PPFIBP2: variants seen among roughly 807,000 people sequenced by gnomAD.
PPFIBP2 encodes liprin-beta-2.
PPFIBP2 carries 118 observed loss-of-function variants against 118.3 expected under a neutral mutation model. That is an observed-to-expected ratio of 1.00 (90% confidence interval 0.86 to 1.16). The LOEUF is 1.16. PPFIBP2 is among the 50% of genes most tolerant of loss of function. The pLI, the probability that PPFIBP2 is intolerant of heterozygous loss-of-function variation, is 0.00. For synonymous variants in PPFIBP2, 414 were observed against 397.4 expected (o/e 1.04, Z -0.50); for missense variants, 1,195 against 1,073.1 (o/e 1.11, Z -1.59).
the PPFIBP2 span, among the ~76,000 whole-genome samples, chr11:7,663,692 G>A: frequency 2.0e-5 from 3 of 152,150 alleles, no homozygotes; most frequent in Non-Finnish European, 2.9e-5. Context: ...CGAGCTTCCC[G>A]GCTGCTTTGT....
chr11:7,609,335 T>A (rs1452213344), intron 5 of PPFIBP2, among the ~76,000 whole-genome samples: 1 of 152,214 alleles, frequency 6.6e-6, no homozygotes, highest in African/African-American at 2.4e-5. Flanking sequence ...ATTGCTTTCC[T>A]GGTTGCTGTG....
chr11:7,525,812 C>G (rs1376354384), intron 1 of PPFIBP2, among the ~76,000 whole-genome samples: 1 of 152,158 alleles, frequency 6.6e-6, no homozygotes, highest in African/African-American at 2.4e-5. Flanking sequence ...GGATCTTTTC[C>G]CTGCATTGGC....
intron 1 of PPFIBP2, among the ~76,000 whole-genome samples, chr11:7,549,122 G>A (rs1309744283): frequency 1.3e-5 from 2 of 152,180 alleles, no homozygotes; most frequent in African/African-American, 2.4e-5. Context: ...CAGTGGGGTC[G>A]GAGCTTCTGG....
intron 8 of PPFIBP2, among the ~76,000 whole-genome samples, chr11:7,627,025 C>T (rs1326059654): frequency 2.0e-5 from 3 of 152,232 alleles, no homozygotes; most frequent in Non-Finnish European, 4.4e-5. Context: ...TACTAAGACA[C>T]CCTGGACTAT....
downstream of PPFIBP2, among the ~76,000 whole-genome samples, chr11:7,654,660 C>T (rs149112424): frequency 6.6e-6 from 1 of 152,364 alleles, no homozygotes; most frequent in African/African-American, 2.4e-5. Flanking sequence ...ATGACAAGTG[C>T]TCATTCAGGC....
chr11:7,589,578 C>A (rs1858855979), intron 3 of PPFIBP2, among the ~76,000 whole-genome samples: 1 of 151,086 alleles, frequency 6.6e-6, no homozygotes, highest in Non-Finnish European at 1.5e-5. Flanking sequence ...GGTGACAGAA[C>A]AAGACTCTGT....
chr11:7,549,714 T>G (rs542108381), intron 2 of PPFIBP2, among the ~76,000 whole-genome samples, 175 bp downstream of exon 2: 2 of 152,042 alleles, frequency 1.3e-5, no homozygotes, highest in Non-Finnish European at 2.9e-5. Context: ...TACGAACTTA[T>G]ACAACTCTCT....
intron 2 of PPFIBP2, among the ~76,000 whole-genome samples, chr11:7,557,983 A>G (rs558808003): frequency 1.9e-4 from 29 of 152,322 alleles, no homozygotes; most frequent in African/African-American, 7.0e-4. Flanking sequence ...AAAGAACTCC[A>G]TTTACGTGGT....
chr11:7,665,128 C>A, the PPFIBP2 span: 12 of 373,926 alleles, frequency 3.2e-5, no homozygotes, highest in Non-Finnish European at 5.3e-5. Flanking sequence ...GTTTATTTCA[C>A]AAAACCACGG....
chr11:7,620,959 C>G lies in PPFIBP2; in HGVS notation c.643C>G (p.Leu215Val). 1.9e-6 allele frequency: 3 copies of G among 1,612,670 alleles called. No individual in the cohort carries two copies. Among genetic ancestry groups the G allele is most frequent in the Non-Finnish European group, 2.5e-6 (3 of 1,178,738 alleles). Reference protein sequence around the residue: ...AEELLQELRHLKIKVEELENE... With the variant: ...AEELLQELRHVKIKVEELENE... ...GGAGTTACTGCAAGAGCTCAGGCAC[C>G]TCAAAATCAAAGTGGAAGAGTTGGA... The change falls in exon 7 of 24, where the codon CTC becomes GTC. Residue 215 changes from leucine to valine, a missense_variant. By Grantham distance (32) the Leu-to-Val change is conservative. Coordinates refer to ENST00000299492, the MANE Select transcript of PPFIBP2 (RefSeq NM_003621.5).
intron 2 of PPFIBP2, among the ~76,000 whole-genome samples, chr11:7,556,467 A>C (rs912272710): frequency 1.3e-4 from 20 of 152,234 alleles, no homozygotes; most frequent in African/African-American, 4.6e-4. Context: ...AATAAATAAT[A>C]CTTGACTCTT....
At position 7,648,869 on chromosome 11, in the gene PPFIBP2, C is replaced by G; in HGVS notation, c.1867C>G (p.Gln623Glu). ...AGCAGTGAAAGCCATCAACACCAAA[C>G]AGGAGGAGAAGTCTGCACTGCTAGA... ...VLAVKAINTK[Q>E]EEKSALLDHI... The change falls in exon 19 of 24, where the codon CAG becomes GAG. Residue 623 changes from glutamine to glutamate, a missense_variant. Physicochemically the swap from Gln to Glu is conservative, Grantham distance 29. Transcript: ENST00000299492. 1 of 1,614,138 alleles carries G rather than the reference C, an allele frequency of 6.2e-7. No individual in the cohort carries two copies. Among genetic ancestry groups the G allele is most frequent in the Non-Finnish European group, 8.5e-7 (1 of 1,180,012 alleles).
At chr11:7,588,337 C>G (rs1451820782) in intron 3 of PPFIBP2, among the ~76,000 whole-genome samples, 1 of 152,228 alleles carries the variant, frequency 6.6e-6, no homozygotes, top group East Asian at 1.9e-4. Context: ...ACAGTTCTCT[C>G]TCTGTCCTCT....
chr11:7,519,890 C>T (rs1216472745), intron 1 of PPFIBP2, among the ~76,000 whole-genome samples: 2 of 152,274 alleles, frequency 1.3e-5, no homozygotes, highest in East Asian at 1.9e-4. Context: ...TCCCTGTTAA[C>T]CAGGTTCCCG....
intron 2 of PPFIBP2, among the ~76,000 whole-genome samples, chr11:7,558,037 T>C (rs1019717718): frequency 6.6e-6 from 1 of 152,252 alleles, no homozygotes; most frequent in African/African-American, 2.4e-5. Flanking sequence ...TATGTCTTAA[T>C]TGTACAAAAT....
chr11:7,649,323 A>G (rs539067727), intron 20 of PPFIBP2, 88 bp downstream of exon 20: 8 of 1,345,916 alleles, frequency 5.9e-6, no homozygotes, highest in East Asian at 2.3e-5. Context: ...ACTTGATTCC[A>G]TATATTCTTA....
At chr11:7,574,241 A>G (rs1856001038) in intron 3 of PPFIBP2, among the ~76,000 whole-genome samples, 1 of 152,176 alleles carries the variant, frequency 6.6e-6, no homozygotes, top group Non-Finnish European at 1.5e-5. Flanking sequence ...ACTTCCAGGA[A>G]GGCCTTCGGG....
chr11:7,601,313 G>T (rs1348496140), intron 5 of PPFIBP2, among the ~76,000 whole-genome samples: 2 of 152,292 alleles, frequency 1.3e-5, no homozygotes, highest in African/African-American at 4.8e-5. Flanking sequence ...CCTCTCTTGG[G>T]GTTAGACAGG....
At chr11:7,577,523 A>G in intron 3 of PPFIBP2, 1 of 456,084 alleles carries the variant, frequency 2.2e-6, no homozygotes, top group East Asian at 7.0e-5. Context: ...AAGAGGAGAG[A>G]ACTGGTCTCC....
Sources: gnomAD v4.1 joint callset for allele counts (sites outside exome capture counted in the v4.1 genomes callset) on GRCh38, gnomAD v4.1.1 for gene constraint, MANE v1.5 for transcripts, NCBI Gene and HGNC (gene_info 2026-07-23, HGNC 2026-07-21) for gene names.